The following PHACTR1 variants were observed in gnomAD, a reference collection of about 807,000 sequenced individuals.
PHACTR1 encodes the protein RPEL repeat containing 1.
PHACTR1 carries 16 observed loss-of-function variants against 69.2 expected under a neutral mutation model. The ratio of observed to expected loss-of-function variants is 0.23; its 90% CI spans 0.16 to 0.35. The LOEUF (loss-of-function observed/expected upper bound fraction) is 0.35. Among genes scored for constraint, PHACTR1 ranks in the 10% least tolerant of loss-of-function variants. PHACTR1 has a pLI of 1.00. For synonymous variants in PHACTR1, 312 were observed against 284.5 expected (o/e 1.10, Z -0.97); for missense variants, 510 against 734.7 (o/e 0.69, Z 3.54).
chr6:13,222,341 G>A (rs1768801167), intron 8 of PHACTR1, among the ~76,000 whole-genome samples: 1 of 152,214 alleles, frequency 6.6e-6, no homozygotes. Flanking sequence ...GGCAAAGAAT[G>A]AGAAAACCTG....
chr6:13,093,397 A>T (rs947505816), intron 5 of PHACTR1, among the ~76,000 whole-genome samples: 5 of 152,202 alleles, frequency 3.3e-5, no homozygotes, highest in African/African-American at 1.2e-4. Context: ...ATTGAGCCAA[A>T]TGTTCTATAA....
At chr6:12,813,449 C>T (rs1243443710) in intron 4 of PHACTR1, among the ~76,000 whole-genome samples, 1 of 152,194 alleles carries the variant, frequency 6.6e-6, no homozygotes, top group Non-Finnish European at 1.5e-5. Flanking sequence ...TTAGGAACCA[C>T]TACTCTACTG....
chr6:12,784,374 AC>A (rs1771236365), intron 4 of PHACTR1, among the ~76,000 whole-genome samples: 2 of 151,702 alleles, frequency 1.3e-5, no homozygotes. Context: ...ATACAGACTC[AC>A]AGATACATGA....
At chr6:12,797,578 G>C (rs958700992) in intron 4 of PHACTR1, among the ~76,000 whole-genome samples, 11 of 152,160 alleles carry the variant, frequency 7.2e-5, no homozygotes, top group African/African-American at 2.7e-4. Flanking sequence ...CTTTGCTGGA[G>C]GAGGTAGCCA....
chr6:13,044,783 T>G (rs4379290), intron 4 of PHACTR1, among the ~76,000 whole-genome samples: 24,784 of 152,186 alleles, frequency 0.16, 2,513 homozygotes, highest in South Asian at 0.26. Context: ...AAGTGAAGCA[T>G]ATCTGAGCCT....
intron 7 of PHACTR1, among the ~76,000 whole-genome samples, chr6:13,190,176 A>T (rs1583823770): frequency 7.2e-6 from 1 of 139,074 alleles, no homozygotes; most frequent in Non-Finnish European, 1.5e-5. Context: ...GGCTTGTGCC[A>T]CTATGCTCAG....
At chr6:12,746,757 A>G (rs1267460553) in intron 3 of PHACTR1, among the ~76,000 whole-genome samples, 1 of 152,232 alleles carries the variant, frequency 6.6e-6, no homozygotes, top group Non-Finnish European at 1.5e-5. Context: ...GAATTCAAAG[A>G]TGTACTTCTC....
rs146526318 is a variant in PHACTR1 at position 12,863,125 on chromosome 6, G to A, written c.250+113335G>A. Among the ~76,000 whole-genome samples, 33 of 152,368 alleles carry A rather than the reference G, an allele frequency of 2.2e-4. 1 individual carries two copies. The East Asian group carries it at 6.2e-3, about 28-fold the overall frequency. ...CAGCATTTGCTAACATATACAGTAT[G>A]TAGAGAAGTTATGAAGTTGGAGTCT... is the stretch of plus-strand genomic sequence containing the variant. On this transcript the variant is annotated intron_variant, in intron 4 of 14. Transcript: ENST00000332995.
At chr6:12,900,853 T>C (rs1425136486) in intron 4 of PHACTR1, among the ~76,000 whole-genome samples, 1 of 152,270 alleles carries the variant, frequency 6.6e-6, no homozygotes, top group Non-Finnish European at 1.5e-5. Context: ...ACGTTTTGCT[T>C]GATGTTTAAA....
intron 9 of PHACTR1, among the ~76,000 whole-genome samples, chr6:13,228,872 A>T (rs1025888734): frequency 6.6e-6 from 1 of 152,218 alleles, no homozygotes; most frequent in Admixed American, 6.5e-5. Flanking sequence ...TCTGAAGCTC[A>T]TGTTCTAAAA....
chr6:12,762,293 T>C (rs886106363), intron 4 of PHACTR1, among the ~76,000 whole-genome samples: 1 of 152,148 alleles, frequency 6.6e-6, no homozygotes, highest in Non-Finnish European at 1.5e-5. Flanking sequence ...AAAAGCAACA[T>C]GTTTCAGCCA....
At chr6:12,791,687 T>C (rs1772294235) in intron 4 of PHACTR1, among the ~76,000 whole-genome samples, 1 of 152,210 alleles carries the variant, frequency 6.6e-6, no homozygotes, top group African/African-American at 2.4e-5. Flanking sequence ...ATTCAGAAGA[T>C]TATATGAGAC....
At chr6:12,911,219 T>C (rs566694654) in intron 4 of PHACTR1, among the ~76,000 whole-genome samples, 1 of 152,340 alleles carries the variant, frequency 6.6e-6, no homozygotes, top group African/African-American at 2.4e-5. Flanking sequence ...ATAGATCTCA[T>C]GGCCATATGT....
chr6:13,231,722 A>G (rs908175113), intron 10 of PHACTR1, among the ~76,000 whole-genome samples: 48 of 152,370 alleles, frequency 3.2e-4, no homozygotes, highest in African/African-American at 1.2e-3. Context: ...CCACCCATGT[A>G]TGTATTTGTA....
chr6:12,826,875 G>A (rs1230869076), intron 4 of PHACTR1, among the ~76,000 whole-genome samples: 1 of 152,184 alleles, frequency 6.6e-6, no homozygotes, highest in Non-Finnish European at 1.5e-5. Flanking sequence ...ACGACACCCT[G>A]ACTGACTGTA....
chr6:13,219,469 G>A lies in PHACTR1; in HGVS notation c.987-8347G>A, dbSNP rs1435158995. ...GATGCCTCTCTATCCTCAAGGAGACGTGTTATTAAAGTGGCCACAACAGAT... is the reference window on the plus strand; with the variant it reads ...GATGCCTCTCTATCCTCAAGGAGACATGTTATTAAAGTGGCCACAACAGAT... On this transcript the variant is annotated intron_variant, in intron 8 of 14. Coordinates refer to ENST00000332995, the MANE Select transcript of PHACTR1 (RefSeq NM_030948.6). 4.6e-5 allele frequency among the ~76,000 whole-genome samples: 7 copies of A among 152,248 alleles called. No individual in the cohort carries two copies. In the South Asian group the frequency reaches 8.3e-4, roughly 18 times the overall value.
chr6:13,135,510 T>C (rs906907639), intron 5 of PHACTR1, among the ~76,000 whole-genome samples: 9 of 152,214 alleles, frequency 5.9e-5, no homozygotes, highest in Non-Finnish European at 1.2e-4. Context: ...ATTACAGCGA[T>C]TTATTACACT....
intron 8 of PHACTR1, among the ~76,000 whole-genome samples, chr6:13,208,208 G>A (rs1766224063): frequency 1.3e-5 from 2 of 152,124 alleles, no homozygotes; most frequent in African/African-American, 2.4e-5. Flanking sequence ...CGGAGTAGAT[G>A]GAGAAACTAA....
chr6:12,822,541 C>G (rs899947444), intron 4 of PHACTR1, among the ~76,000 whole-genome samples: 5 of 152,186 alleles, frequency 3.3e-5, no homozygotes, highest in African/African-American at 1.2e-4. Context: ...CAGCCGGGTC[C>G]TAAAAGTTCT....
Sources: allele counts gnomAD v4.1 joint callset (sites outside exome capture counted in the v4.1 genomes callset), GRCh38; gene constraint gnomAD v4.1.1; transcripts MANE v1.5; gene names NCBI Gene and HGNC (gene_info 2026-07-23, HGNC 2026-07-21).